Variants in KLF8 observed in about 807,000 individuals in gnomAD.
The protein encoded by KLF8 is Krueppel-like factor 8.
Under a neutral mutation model 18.2 loss-of-function variants are expected in KLF8, and 10 were observed. The ratio of observed to expected loss-of-function variants is 0.55; its 90% CI spans 0.34 to 0.93. The LOEUF (loss-of-function observed/expected upper bound fraction) is 0.93. Ranked by LOEUF, KLF8 falls within the 40% of genes least tolerant of loss-of-function variation. The pLI is 0.02. For synonymous variants in KLF8, 109 were observed against 97.3 expected (o/e 1.12, Z -0.71); for missense variants, 264 against 277.9 (o/e 0.95, Z 0.36).
chrX:56,284,057 A>G (rs2067239106), intron 5 of KLF8, among the ~76,000 whole-genome samples: 1 of 112,335 alleles, frequency 8.9e-6, no homozygotes, highest in Admixed American at 9.4e-5. Context: ...AAAGATAAGT[A>G]TATAGGTAAT....
At chrX:56,192,710 G>T in the KLF8 span, among the ~76,000 whole-genome samples, 1 of 112,285 alleles carries the variant, frequency 8.9e-6, no homozygotes, top group African/African-American at 3.2e-5. Context: ...ATAAATTGGG[G>T]AATGGAACAT....
the KLF8 span, among the ~76,000 whole-genome samples, chrX:55,944,888 G>T: frequency 1.8e-5 from 2 of 110,827 alleles, no homozygotes; most frequent in South Asian, 7.7e-4. Context: ...GAATGTGTTT[G>T]CTCTTGCTTT....
At chrX:56,005,930 A>G in the KLF8 span, among the ~76,000 whole-genome samples, 13 of 111,992 alleles carry the variant, frequency 1.2e-4, no homozygotes, top group African/African-American at 4.2e-4. Context: ...CTTTGGAAGC[A>G]CCCTGATTGG....
At chrX:56,205,153 CA>C in the KLF8 span, among the ~76,000 whole-genome samples, 1 of 109,795 alleles carries the variant, frequency 9.1e-6, no homozygotes, top group Non-Finnish European at 1.9e-5. Context: ...ATTCTCCTGT[CA>C]AAAAAAATGT....
chrX:56,104,989 G>A, the KLF8 span, among the ~76,000 whole-genome samples: 1 of 111,943 alleles, frequency 8.9e-6, no homozygotes, highest in East Asian at 2.8e-4. Context: ...AGTCACTCAG[G>A]TGCAGGTTGT....
At chrX:56,089,892 G>C in the KLF8 span, among the ~76,000 whole-genome samples, 1 of 112,238 alleles carries the variant, frequency 8.9e-6, no homozygotes, top group Non-Finnish European at 1.9e-5. Context: ...ATTCTGGCAA[G>C]TGGAAGGGAA....
At chrX:55,995,322 G>C in the KLF8 span, among the ~76,000 whole-genome samples, 1 of 112,066 alleles carries the variant, frequency 8.9e-6, no homozygotes, top group Non-Finnish European at 1.9e-5. Context: ...CATGCACTTG[G>C]GTCTTGCTTT....
chrX:56,258,058 G>A (rs1817321456), intron 2 of KLF8, among the ~76,000 whole-genome samples: 1 of 111,938 alleles, frequency 8.9e-6, no homozygotes, highest in Admixed American at 9.5e-5. Flanking sequence ...AGCCCTATTT[G>A]ATGTCCCATT....
chrX:56,187,067 A>C, the KLF8 span, among the ~76,000 whole-genome samples: 1 of 111,940 alleles, frequency 8.9e-6, no homozygotes, highest in Admixed American at 9.5e-5. Flanking sequence ...ACCCTTCAAA[A>C]AATTAATGAA....
the KLF8 span, among the ~76,000 whole-genome samples, chrX:56,165,858 C>CAA: frequency 7.3e-3 from 457 of 62,792 alleles, 2 homozygotes; most frequent in African/African-American, 0.023. Context: ...GACCCTGTCT[C>CAA]AAAAAAAAAA....
the KLF8 span, among the ~76,000 whole-genome samples, chrX:56,182,433 G>T: frequency 4.5e-5 from 5 of 112,079 alleles, no homozygotes; most frequent in Non-Finnish European, 9.4e-5. Context: ...AGAGGAGTTT[G>T]TTATTGCTGA....
At chrX:55,988,319 G>T in the KLF8 span, among the ~76,000 whole-genome samples, 1 of 111,122 alleles carries the variant, frequency 9.0e-6, no homozygotes, top group Non-Finnish European at 1.9e-5. Flanking sequence ...TTCTTCTAGG[G>T]TTTTTATGGT....
At chrX:56,057,135 G>T in the KLF8 span, among the ~76,000 whole-genome samples, 1 of 111,925 alleles carries the variant, frequency 8.9e-6, no homozygotes, top group Admixed American at 9.5e-5. Flanking sequence ...CATGATGGTG[G>T]TGGTGTTGGC....
the KLF8 span, among the ~76,000 whole-genome samples, chrX:55,989,764 T>C: frequency 5.4e-5 from 6 of 112,061 alleles, no homozygotes; most frequent in Non-Finnish European, 1.1e-4. Context: ...ATTGGAATAG[T>C]TTCAGAAGGA....
At chrX:55,938,965 A>G in the KLF8 span, among the ~76,000 whole-genome samples, 8 of 112,044 alleles carry the variant, frequency 7.1e-5, no homozygotes, top group Non-Finnish European at 1.3e-4. Context: ...AGAAAGATCA[A>G]TGAGACAGAA....
chrX:56,002,754 A>G, the KLF8 span, among the ~76,000 whole-genome samples: 11 of 112,034 alleles, frequency 9.8e-5, no homozygotes, highest in Admixed American at 6.6e-4. Flanking sequence ...AACAACCTCA[A>G]TTGTTTCACT....
chrX:56,113,300 T>C, the KLF8 span, among the ~76,000 whole-genome samples: 1 of 110,046 alleles, frequency 9.1e-6, no homozygotes, highest in Admixed American at 9.7e-5. Flanking sequence ...GGCCATACTT[T>C]CATGGTTTTT....
chrX:56,078,589 T>G, the KLF8 span, among the ~76,000 whole-genome samples: 1 of 111,942 alleles, frequency 8.9e-6, no homozygotes, highest in Non-Finnish European at 1.9e-5. Context: ...TCAAGGATAT[T>G]GGTGTAAAAT....
chrX:56,053,320 A>G, the KLF8 span, among the ~76,000 whole-genome samples: 3 of 111,157 alleles, frequency 2.7e-5, no homozygotes, highest in Non-Finnish European at 5.7e-5. Context: ...ACATTTTTTG[A>G]GTTGTGTATG....
Sources: gnomAD v4.1 joint callset for allele counts (sites outside exome capture counted in the v4.1 genomes callset) on GRCh38, gnomAD v4.1.1 for gene constraint, MANE v1.5 for transcripts, NCBI Gene and HGNC (gene_info 2026-07-23, HGNC 2026-07-21) for gene names.